Variants in KLHL18 observed in about 807,000 individuals in gnomAD.
The protein encoded by KLHL18 is kelch-like protein 18.
In KLHL18, 38 loss-of-function variants were observed where a neutral mutation model predicts 58.5. That is an observed-to-expected ratio of 0.65 (90% CI 0.50 to 0.85). KLHL18 has a LOEUF of 0.85. KLHL18 is among the 40% of genes least tolerant of loss of function. KLHL18 has a pLI of 0.00. For missense variants in KLHL18, 624 were observed against 778.4 expected, an observed-to-expected ratio of 0.80 and a Z score of 2.36; for synonymous variants, 303 against 301.9, an observed-to-expected ratio of 1.00 and a Z score of -0.04.
intron 3 of KLHL18, among the ~76,000 whole-genome samples, chr3:47,326,297 A>G (rs969020009): frequency 6.6e-6 from 1 of 152,160 alleles, no homozygotes; most frequent in African/African-American, 2.4e-5. Flanking sequence ...TTGGTACACC[A>G]AATGCGTCAA....
At chr3:47,288,397 C>A (rs1702722680) in intron 1 of KLHL18, among the ~76,000 whole-genome samples, 1 of 152,154 alleles carries the variant, frequency 6.6e-6, no homozygotes, top group Non-Finnish European at 1.5e-5. Context: ...CAGGTGTTCT[C>A]TCATGCTCTC....
At position 47,334,567 on chromosome 3, in the gene KLHL18, G is replaced by A; in HGVS notation, c.762-116G>A. The A allele has an allele frequency of 8.4e-7, 1 of 1,189,886 alleles. No homozygotes were observed. Among genetic ancestry groups the A allele is most frequent in the Admixed American group, 2.0e-5 (1 of 49,828 alleles). 73.7% of individuals were successfully genotyped at this position (1,189,886 alleles called of 1,614,324 possible). On this transcript the variant is annotated intron_variant, in intron 5 of 9. Coordinates refer to ENST00000232766, the MANE Select transcript of KLHL18 (RefSeq NM_025010.5). This position sits in a 1 kb window ranked among gnomAD's most constrained non-coding sequence, Gnocchi z 4.7. ...TTCTTTGAGACCAGACCTTCCAGAA[G>A]GCTTCTCCTCCCAGGTTTCCCCTGC...
chr3:47,344,069 T>A lies in KLHL18; in HGVS notation c.*128T>A. 1 of 1,238,608 alleles carries A rather than the reference T, an allele frequency of 8.1e-7. No homozygotes were observed. Among genetic ancestry groups the A allele is most frequent in the Non-Finnish European group, 1.1e-6 (1 of 906,720 alleles). The allele number at this position is 1,238,608 out of a possible 1,614,324, so 76.7% of individuals were successfully genotyped here. A position where few individuals can be genotyped will look rare whatever the true frequency, so the allele number is the denominator to read the frequency against. ...AAACGTGAGCTCGCCGGAGGTACAGTTTTTCCAGGTGCTTAAGCCCTCCCC... is the reference window on the plus strand; with the variant it reads ...AAACGTGAGCTCGCCGGAGGTACAGATTTTCCAGGTGCTTAAGCCCTCCCC... On this transcript the variant is annotated 3_prime_UTR_variant, in exon 10 of 10. Coordinates refer to ENST00000232766, the MANE Select transcript of KLHL18 (RefSeq NM_025010.5).
At chr3:47,302,824 GAGTCC>G (rs1280606273) in intron 1 of KLHL18, among the ~76,000 whole-genome samples, 2 of 152,156 alleles carry the variant, frequency 1.3e-5, no homozygotes, top group Non-Finnish European at 2.9e-5. Flanking sequence ...TATCATAGAA[GAGTCC>G]ATGTCATAAA....
chr3:47,346,039 T>C lies in KLHL18; in HGVS notation c.*2098T>C, dbSNP rs1225315754. 6.6e-6 allele frequency: 1 copy of C among 152,462 alleles called. No individual in the cohort carries two copies. Among genetic ancestry groups the C allele is most frequent in the Non-Finnish European group, 1.5e-5 (1 of 68,034 alleles). 9.4% of individuals were successfully genotyped at this position (152,462 alleles called of 1,614,324 possible). On this transcript the variant is annotated 3_prime_UTR_variant, in exon 10 of 10. Transcript: ENST00000232766. ...TCGGAAGGTGGGTGGGGTGTGCATT[T>C]CCTGTTAGGAGTGTATCAGTGCTTG...
chr3:47,326,829 G>A (rs1703733849), intron 3 of KLHL18, among the ~76,000 whole-genome samples: 1 of 152,066 alleles, frequency 6.6e-6, no homozygotes, highest in African/African-American at 2.4e-5. Flanking sequence ...GGTGAGGCAG[G>A]AGAATCGCTT....
At chr3:47,311,899 C>T (rs1442676698) in intron 1 of KLHL18, among the ~76,000 whole-genome samples, 1 of 152,172 alleles carries the variant, frequency 6.6e-6, no homozygotes, top group African/African-American at 2.4e-5. Context: ...ACTGCATTTT[C>T]AGTCTTCAGA....
At chr3:47,309,772 C>T (rs1703248907) in intron 1 of KLHL18, among the ~76,000 whole-genome samples, 1 of 152,196 alleles carries the variant, frequency 6.6e-6, no homozygotes, top group African/African-American at 2.4e-5. Context: ...CCGAGGCTGG[C>T]GGATCACTCG....
chr3:47,330,201 A>G (rs1703824269), intron 4 of KLHL18, 52 bp downstream of exon 4: 1 of 1,500,566 alleles, frequency 6.7e-7, no homozygotes. Context: ...GCTGCTCTTT[A>G]TAGTCATTGT....
intron 1 of KLHL18, among the ~76,000 whole-genome samples, chr3:47,284,985 A>C (rs1309894661): frequency 6.6e-6 from 1 of 151,434 alleles, no homozygotes; most frequent in African/African-American, 2.4e-5. Context: ...CGCCCGGCTA[A>C]TTTTTGTGTG....
intron 4 of KLHL18, among the ~76,000 whole-genome samples, chr3:47,332,332 G>A (rs927008545): frequency 6.6e-6 from 1 of 152,006 alleles, no homozygotes; most frequent in African/African-American, 2.4e-5. Context: ...TCCAGCCTGG[G>A]CGATGGGGCA....
chr3:47,329,418 G>A (rs1171908451), intron 3 of KLHL18, among the ~76,000 whole-genome samples: 1 of 152,076 alleles, frequency 6.6e-6, no homozygotes, highest in African/African-American at 2.4e-5. Flanking sequence ...TAGTAGAGAC[G>A]GGGTTTCACC....
At chr3:47,303,607 T>C (rs1479902838) in intron 1 of KLHL18, among the ~76,000 whole-genome samples, 1 of 152,244 alleles carries the variant, frequency 6.6e-6, no homozygotes, top group Admixed American at 6.5e-5. Flanking sequence ...AGCAGCTTTA[T>C]AGGCAAGCTC....
chr3:47,325,146 G>A (rs1231165510), intron 3 of KLHL18, among the ~76,000 whole-genome samples: 4 of 151,900 alleles, frequency 2.6e-5, no homozygotes, highest in Non-Finnish European at 4.4e-5. Context: ...TCCCCACTTC[G>A]TATGTGCCCT....
intron 1 of KLHL18, among the ~76,000 whole-genome samples, chr3:47,314,055 C>T (rs72909157): frequency 2.6e-5 from 4 of 151,994 alleles, no homozygotes; most frequent in South Asian, 2.1e-4. Flanking sequence ...TTTTATTTTT[C>T]GAGACATTCT....
chr3:47,288,600 A>G (rs1445813388), intron 1 of KLHL18, among the ~76,000 whole-genome samples: 1 of 152,200 alleles, frequency 6.6e-6, no homozygotes, highest in Non-Finnish European at 1.5e-5. Flanking sequence ...CAACACTTGA[A>G]CCTAGGCTTA....
intron 2 of KLHL18, among the ~76,000 whole-genome samples, chr3:47,321,744 A>G (rs560309470): frequency 6.6e-6 from 1 of 152,184 alleles, no homozygotes; most frequent in Non-Finnish European, 1.5e-5. Flanking sequence ...AGCAGAGTAA[A>G]GGCTAGTGAA....
intron 3 of KLHL18, among the ~76,000 whole-genome samples, chr3:47,326,682 C>T (rs576970692): frequency 6.6e-6 from 1 of 152,232 alleles, no homozygotes; most frequent in South Asian, 2.1e-4. Context: ...CTCTGGGAGG[C>T]CGAGGCAGGG....
intron 1 of KLHL18, among the ~76,000 whole-genome samples, chr3:47,319,153 C>T (rs1054605168): frequency 2.0e-5 from 3 of 152,172 alleles, no homozygotes; most frequent in Non-Finnish European, 2.9e-5. Flanking sequence ...AGCAGCCAGT[C>T]CACAACACCA....
Sources: allele counts gnomAD v4.1 joint callset (sites outside exome capture counted in the v4.1 genomes callset), GRCh38; gene constraint gnomAD v4.1.1; non-coding constraint Gnocchi (gnomAD v3.1); transcripts MANE v1.5; gene names NCBI Gene and HGNC (gene_info 2026-07-23, HGNC 2026-07-21).